SLC35F1: variants seen among roughly 807,000 people sequenced by gnomAD.
SLC35F1 encodes solute carrier family 35 member F1.
Under a neutral mutation model 48.7 loss-of-function variants are expected in SLC35F1, and 14 were observed. The ratio of observed to expected loss-of-function variants is 0.29; its 90% CI spans 0.19 to 0.45. SLC35F1 has a LOEUF of 0.45. SLC35F1 is among the 20% of genes least tolerant of loss of function. SLC35F1 has a pLI of 1.00. For synonymous variants in SLC35F1, 190 were observed against 202.2 expected, an observed-to-expected ratio of 0.94 and a Z score of 0.51; for missense variants, 404 against 500.0, an observed-to-expected ratio of 0.81 and a Z score of 1.83.
intron 1 of SLC35F1, among the ~76,000 whole-genome samples, chr6:118,107,346 T>C (rs958765229): frequency 1.3e-5 from 2 of 152,192 alleles, no homozygotes; most frequent in Non-Finnish European, 2.9e-5. Context: ...AATTCTGTAC[T>C]CTAACTTCCA....
chr6:117,918,899 T>C (rs976706816), intron 1 of SLC35F1, among the ~76,000 whole-genome samples: 8 of 151,942 alleles, frequency 5.3e-5, no homozygotes, highest in African/African-American at 1.9e-4. Context: ...AATTTTAAAA[T>C]AATTTTTTTT....
At chr6:117,959,419 C>A (rs1379521180) in intron 1 of SLC35F1, among the ~76,000 whole-genome samples, 1 of 152,188 alleles carries the variant, frequency 6.6e-6, no homozygotes, top group African/African-American at 2.4e-5. Flanking sequence ...AGTGAGACTT[C>A]CATGTTACAA....
At chr6:117,940,910 A>G (rs1776223330) in intron 1 of SLC35F1, among the ~76,000 whole-genome samples, 1 of 152,144 alleles carries the variant, frequency 6.6e-6, no homozygotes, top group Non-Finnish European at 1.5e-5. Context: ...GGGCCTCTCA[A>G]AATGTTAGGA....
intron 2 of SLC35F1, among the ~76,000 whole-genome samples, chr6:118,204,252 T>TG (rs145894763): frequency 0.062 from 9,455 of 151,412 alleles, 503 homozygotes; most frequent in African/African-American, 0.15. Flanking sequence ...AGGAACACAG[T>TG]GGGGATCTGT....
chr6:118,110,837 C>A (rs1773388662), intron 1 of SLC35F1, among the ~76,000 whole-genome samples: 2 of 152,146 alleles, frequency 1.3e-5, no homozygotes, highest in South Asian at 4.2e-4. Context: ...AGGTCTCAGT[C>A]TTTTGTAAGC....
chr6:118,092,875 G>A (rs1231343136), intron 1 of SLC35F1, among the ~76,000 whole-genome samples: 1 of 152,178 alleles, frequency 6.6e-6, no homozygotes, highest in African/African-American at 2.4e-5. Flanking sequence ...TTGTATCTAG[G>A]AAGTAACTAA....
chr6:117,986,478 T>G (rs928904476), intron 1 of SLC35F1, among the ~76,000 whole-genome samples: 1 of 152,212 alleles, frequency 6.6e-6, no homozygotes, highest in Non-Finnish European at 1.5e-5. Flanking sequence ...TAGGTTTTTA[T>G]ATGTTCTTTT....
chr6:118,212,743 G>GA (rs147220693), intron 2 of SLC35F1, among the ~76,000 whole-genome samples: 140 of 117,038 alleles, frequency 1.2e-3, no homozygotes, highest in African/African-American at 4.1e-3. Flanking sequence ...AGGAAGGAAG[G>GA]AAGGAAGGAA....
At chr6:117,995,570 G>A (rs4946316) in intron 1 of SLC35F1, among the ~76,000 whole-genome samples, 56,364 of 151,784 alleles carry the variant, frequency 0.37, 10,979 homozygotes, top group South Asian at 0.51. Context: ...GTGAAACCCC[G>A]TCTCTACTAA....
chr6:118,251,294 G>C (rs1775571640), intron 3 of SLC35F1, among the ~76,000 whole-genome samples: 1 of 152,040 alleles, frequency 6.6e-6, no homozygotes, highest in African/African-American at 2.4e-5. Flanking sequence ...CTTCAGCATT[G>C]AGTTTGTGGT....
At chr6:118,132,945 G>A (rs563129759) in intron 1 of SLC35F1, among the ~76,000 whole-genome samples, 5 of 152,160 alleles carry the variant, frequency 3.3e-5, no homozygotes, top group Non-Finnish European at 7.3e-5. Context: ...AGCCCATGCT[G>A]CTTCTAGAGG....
chr6:118,220,964 G>A (rs1370781827), intron 2 of SLC35F1, among the ~76,000 whole-genome samples: 4 of 152,044 alleles, frequency 2.6e-5, no homozygotes, highest in Non-Finnish European at 4.4e-5. Context: ...TTCCCAACAT[G>A]TTTGTCACAC....
At chr6:118,056,332 G>C (rs1218108691) in intron 1 of SLC35F1, among the ~76,000 whole-genome samples, 1 of 152,022 alleles carries the variant, frequency 6.6e-6, no homozygotes, top group Non-Finnish European at 1.5e-5. Flanking sequence ...AAAAATTAAT[G>C]TTTTTTCTAA....
At chr6:118,059,224 G>A in intron 1 of SLC35F1, among the ~76,000 whole-genome samples, 1 of 152,116 alleles carries the variant, frequency 6.6e-6, no homozygotes, top group East Asian at 1.9e-4. Context: ...TCAGTACACT[G>A]AGTTCATGTA....
At chr6:118,128,695 A>T (rs924437660) in intron 1 of SLC35F1, among the ~76,000 whole-genome samples, 35 of 151,970 alleles carry the variant, frequency 2.3e-4, no homozygotes, top group African/African-American at 8.2e-4. Flanking sequence ...TAGCATTAGG[A>T]GATATTCCTA....
At chr6:118,145,702 C>G (rs1282409214) in intron 1 of SLC35F1, among the ~76,000 whole-genome samples, 1 of 151,980 alleles carries the variant, frequency 6.6e-6, no homozygotes, top group Non-Finnish European at 1.5e-5. Flanking sequence ...TAAGATATTG[C>G]CTGACATAAT....
At chr6:118,210,712 G>A (rs1233233297) in intron 2 of SLC35F1, among the ~76,000 whole-genome samples, 3 of 152,120 alleles carry the variant, frequency 2.0e-5, no homozygotes, top group African/African-American at 7.2e-5. Flanking sequence ...TTCACTCAAG[G>A]GGAACCTGTT....
chr6:118,004,752 G>A (rs1380261311), intron 1 of SLC35F1, among the ~76,000 whole-genome samples: 2 of 151,902 alleles, frequency 1.3e-5, no homozygotes, highest in Non-Finnish European at 2.9e-5. Context: ...TTGTAGAGAT[G>A]AAGTCTTGAT....
intron 7 of SLC35F1, among the ~76,000 whole-genome samples, chr6:118,309,114 T>C (rs374674796): frequency 6.6e-6 from 1 of 152,086 alleles, no homozygotes; most frequent in South Asian, 2.1e-4. Context: ...GCATTCATTA[T>C]ACGAATGCAA....
Sources: gnomAD v4.1 joint callset for allele counts (sites outside exome capture counted in the v4.1 genomes callset) on GRCh38, gnomAD v4.1.1 for gene constraint, MANE v1.5 for transcripts, NCBI Gene and HGNC (gene_info 2026-07-23, HGNC 2026-07-21) for gene names.